Variants in ACAP1 observed in about 807,000 individuals in gnomAD.
ACAP1 encodes the protein ArfGAP with coiled-coil, ankyrin repeat and PH domains 1, also known as arf-GAP with coiled-coil, ANK repeat and PH domain-containing protein 1.
ACAP1 carries 45 observed loss-of-function variants against 98.8 expected under a neutral mutation model. The observed-to-expected ratio is 0.46, with a 90% CI of 0.36 to 0.58. ACAP1 has a LOEUF of 0.58. ACAP1 is among the 20% of genes least tolerant of loss of function. The pLI is 0.00. For missense variants in ACAP1, 735 were observed against 971.4 expected, an observed-to-expected ratio of 0.76 and a Z score of 3.24; for synonymous variants, 362 against 375.3, an observed-to-expected ratio of 0.96 and a Z score of 0.41.
Position 7,347,112 on chromosome 17 carries a change from G to C in ACAP1, c.1213G>C (p.Gly405Arg). 6.2e-7 allele frequency: 1 copy of C among 1,613,706 alleles called. No individual in the cohort carries two copies. The highest frequency in any genetic ancestry group is 8.5e-7 in the Non-Finnish European group (1 of 1,179,822). ...CAGGGGAAGGGAGCCTGGGGGAGTC[G>C]GGCACGTGGTGGCCCAGGTCCAGAG... is the stretch of plus-strand genomic sequence containing the variant. ...MARGREPGGV[G>R]HVVAQVQSVD... The change falls in exon 14 of 22, where the codon GGG becomes CGG. Residue 405 changes from glycine (G) to arginine (R), a missense_variant. By Grantham distance (125) the Gly-to-Arg change is moderately radical (BLOSUM62 -2). Coordinates refer to ENST00000158762, the MANE Select transcript of ACAP1 (RefSeq NM_014716.4).
At chr17:7,338,491 G>C (rs1242587440) in intron 2 of ACAP1, among the ~76,000 whole-genome samples, 1 of 151,908 alleles carries the variant, frequency 6.6e-6, no homozygotes, top group Non-Finnish European at 1.5e-5. Context: ...TTGAACTCCT[G>C]ACCTCAAATG....
In ACAP1 at chr17:7,347,479, T is replaced by C. The variant is rs1214966558; in HGVS notation, c.1343+237T>C. On this transcript the variant is annotated intron_variant, in intron 14 of 21. Transcript: ENST00000158762. ...AGAATTGGGGGATACCCAGAATTTG[T>C]TGGCTTGGTTGGAAGAAGTGTGGGG... The C allele has an allele frequency of 2.5e-5, 13 of 526,506 alleles. 1 individual carries two copies. The highest frequency in any genetic ancestry group is 1.1e-4 in the South Asian group (4 of 36,568). 32.6% of individuals were successfully genotyped at this position (526,506 alleles called of 1,614,324 possible). A position where few individuals can be genotyped will look rare whatever the true frequency, so the allele number is the denominator to read the frequency against.
rs140223138 is a variant in ACAP1 at position 7,338,276 on chromosome 17, T to C, written c.111+907T>C. ...TATTTTTATTTTTATTTATTTGAGA[T>C]GGAGTCTCGCTCTGTCACCCAGGCT... On this transcript the variant is annotated intron_variant, in intron 2 of 21. Transcript: ENST00000158762. 4.2e-3 allele frequency among the ~76,000 whole-genome samples: 645 copies of C among 152,150 alleles called. 4 individuals carry two copies. Among genetic ancestry groups the C allele is most frequent in the African/African-American group, 0.015 (619 of 41,546 alleles).
At chr17:7,341,146 T>TTTTA (rs927379205) in intron 2 of ACAP1, among the ~76,000 whole-genome samples, 1 of 152,138 alleles carries the variant, frequency 6.6e-6, no homozygotes, top group African/African-American at 2.4e-5. Flanking sequence ...ATACTATAGA[T>TTTTA]TTTATTTATT....
chr17:7,351,171 G>A (rs2073406234), intron 21 of ACAP1, 124 bp from the exon 22 acceptor site: 2 of 1,094,274 alleles, frequency 1.8e-6, no homozygotes, highest in Admixed American at 2.3e-5. Context: ...CTGGCGCAGT[G>A]CCCGCGGCGC....
rs1359965033 is a variant in ACAP1 at position 7,350,858 on chromosome 17, C to T, written c.2073-92C>T. 1.6e-6 allele frequency: 2 copies of T among 1,271,038 alleles called. No homozygotes were observed. The highest frequency in any genetic ancestry group is 1.1e-6 in the Non-Finnish European group (1 of 874,414). 78.7% of individuals were successfully genotyped at this position (1,271,038 alleles called of 1,614,324 possible). ...ATCTCCTGACCTCGTGATCCGCCTG[C>T]CTCGGCCTCCCAAAGTGTTGGGATT... is the stretch of plus-strand genomic sequence containing the variant. On this transcript the variant is annotated intron_variant, in intron 20 of 21. Coordinates refer to ENST00000158762, the MANE Select transcript of ACAP1 (RefSeq NM_014716.4). This position sits in a 1 kb window ranked among gnomAD's most constrained non-coding sequence, Gnocchi z 4.6.
At chr17:7,340,827 C>T (rs776471585) in intron 2 of ACAP1, among the ~76,000 whole-genome samples, 7 of 152,152 alleles carry the variant, frequency 4.6e-5, no homozygotes, top group African/African-American at 7.2e-5. Flanking sequence ...GCTTGGGCAA[C>T]GGAGCAAAAC....
At position 7,350,354 on chromosome 17, in the gene ACAP1, G is replaced by C; in HGVS notation, c.2072+117G>C. On this transcript the variant is annotated intron_variant, in intron 20 of 21. Coordinates refer to ENST00000158762, the MANE Select transcript of ACAP1 (RefSeq NM_014716.4). The surrounding 1 kb of genome is among the most constrained non-coding windows in gnomAD (Gnocchi z 4.6). ...ACAGAAGCCTGTGCTGTGGGGCCTC[G>C]GAAAGGGGCTGGGCCAGCGCCGGGG... 3.6e-6 allele frequency: 3 copies of C among 831,248 alleles called. No individual in the cohort carries two copies. The East Asian group carries it at 8.0e-5, about 22-fold the overall frequency. 51.5% of individuals were successfully genotyped at this position (831,248 alleles called of 1,614,324 possible).
intron 2 of ACAP1, among the ~76,000 whole-genome samples, chr17:7,339,962 A>T (rs1309283967): frequency 6.6e-6 from 1 of 151,616 alleles, no homozygotes; most frequent in Non-Finnish European, 1.5e-5. Flanking sequence ...CTCCCCCCTC[A>T]CTCAGAATAA....
At position 7,343,474 on chromosome 17, in the gene ACAP1, G is replaced by A. The variant is rs765783272; in HGVS notation, c.440G>A (p.Arg147His). The change falls in exon 6 of 22, where the codon CGC becomes CAC. Residue 147 changes from arginine (R) to histidine (H), a missense_variant. By Grantham distance (29) the Arg-to-His change is conservative. Around this residue, in one of 5 missense-constraint regions of ACAP1, gnomAD observed 430 missense variants for 531.8 expected, o/e 0.81. Transcript: ENST00000158762. This position sits in a 1 kb window ranked among gnomAD's most constrained non-coding sequence, Gnocchi z 4.9. ...ACCCACAACGCAGAGGTTCCCAGGC[G>A]CCGGGCCCAGGAGGCAGAAGAGGCA... ...ALTHNAEVPR[R>H]RAQEAEEAGA... is the part of the protein sequence containing the mutation. The A allele has an allele frequency of 8.7e-6, 14 of 1,613,980 alleles. No homozygotes were observed. The highest frequency in any genetic ancestry group is 1.3e-5 in the African/African-American group (1 of 74,928).
chr17:7,348,791 C>T lies in ACAP1; in HGVS notation c.1679-204C>T. 3.2e-5 allele frequency: 19 copies of T among 592,238 alleles called. 1 individual carries two copies. The South Asian group carries it at 4.4e-4, about 14-fold the overall frequency. The allele number at this position is 592,238 out of a possible 1,614,324, so 36.7% of individuals were successfully genotyped here. On this transcript the variant is annotated intron_variant, in intron 17 of 21. Coordinates refer to ENST00000158762, the MANE Select transcript of ACAP1 (RefSeq NM_014716.4). ...GGACCAGATGAGGTGATGATGCCGT[C>T]TCTCCCCCACACCCTAGGGACTCGT...
chr17:7,346,059 T>G, intron 10 of ACAP1, 185 bp from the exon 11 acceptor site: 1 of 640,932 alleles, frequency 1.6e-6, no homozygotes, highest in South Asian at 1.9e-5. Context: ...TTGTCCAAGA[T>G]AGGAATAGCA....
In ACAP1 at chr17:7,351,292, C is replaced by A. The variant is rs943083760; in HGVS notation, c.2123-3C>A. 1 of 1,611,722 alleles carries A rather than the reference C, an allele frequency of 6.2e-7. No individual in the cohort carries two copies. Among genetic ancestry groups the A allele is most frequent in the Middle Eastern group, 1.7e-4 (1 of 6,052 alleles). The stretch of plus-strand genomic sequence containing the variant: ...GCCTCCCGGCCTTTCCTCCCTCCCC[C>A]AGGAGATGAGACGTATCTTGACATC... On this transcript the variant is annotated splice_region_variant and splice_polypyrimidine_tract_variant and intron_variant, in intron 21 of 21. Coordinates refer to ENST00000158762, the MANE Select transcript of ACAP1 (RefSeq NM_014716.4).
In ACAP1 at chr17:7,343,953, C is replaced by T. The variant is rs2073322232; in HGVS notation, c.666C>T (p.Ala222=). ...CCCAGTATCGAAAGGAGCTGGGCGC[C>T]CAGGTGGGGCCCCAGGGCACAGCAG... ...RLSQYRKELG[A]QLHQLVLNSA... Residue 222 remains alanine (A), a synonymous_variant, in exon 8 of 22, where the codon GCC becomes GCT. Transcript: ENST00000158762. This position sits in a 1 kb window ranked among gnomAD's most constrained non-coding sequence, Gnocchi z 4.9. 6.3e-7 allele frequency: 1 copy of T among 1,586,618 alleles called. No individual in the cohort carries two copies. Among genetic ancestry groups the T allele is most frequent in the Admixed American group, 1.8e-5 (1 of 54,312 alleles).
At chr17:7,348,621 G>T in intron 17 of ACAP1, 146 bp downstream of exon 17, 1 of 910,820 alleles carries the variant, frequency 1.1e-6, no homozygotes. Context: ...GGTTACGGTG[G>T]AGTGTGACAT....
chr17:7,349,035 C>T lies in ACAP1; in HGVS notation c.1719C>T (p.Ala573=), dbSNP rs1567631819. ...ACCTGGGAAGCCTGCACCCTGGGGC[C>T]CTACTGTTTCGAGCGTCTGGGCATC... ...SEDLGSLHPG[A]LLFRASGHPP... The change falls in exon 18 of 22, where the codon GCC becomes GCT. Residue 573 remains alanine (A), a synonymous_variant. Transcript: ENST00000158762. The T allele has an allele frequency of 1.2e-6, 2 of 1,613,880 alleles. No individual in the cohort carries two copies. Among genetic ancestry groups the T allele is most frequent in the East Asian group, 4.5e-5 (2 of 44,866 alleles).
Position 7,343,701 on chromosome 17 carries a change from C to T in ACAP1, c.529-5C>T. On this transcript the variant is annotated splice_region_variant and splice_polypyrimidine_tract_variant and intron_variant, in intron 6 of 21. Transcript: ENST00000158762. This position sits in a 1 kb window ranked among gnomAD's most constrained non-coding sequence, Gnocchi z 4.9. ...GGTTTTTTACGTCCTCTTTTACGTC[C>T]TCAGATCAACGTGATTGAGGACAAG... is the stretch of plus-strand genomic sequence containing the variant. The T allele has an allele frequency of 6.2e-7, 1 of 1,613,718 alleles. No individual in the cohort carries two copies. Among genetic ancestry groups the T allele is most frequent in the South Asian group, 1.1e-5 (1 of 91,032 alleles).
chr17:7,346,486 C>A lies in ACAP1; in HGVS notation c.1002C>A (p.Thr334=). The part of the protein sequence containing the change: ...ERRFCFEVVS[T]SKSCLLQADS... ...GGTTCTGCTTTGAGGTGGTGTCCAC[C>A]AGCAAGTGAGTGCAATCCCCAGGGG... is the stretch of plus-strand genomic sequence containing the variant. Residue 334 remains threonine (T), a synonymous_variant, in exon 12 of 22, where the codon ACC becomes ACA. Transcript: ENST00000158762. 3 of 1,605,334 alleles carry A rather than the reference C, an allele frequency of 1.9e-6. No homozygotes were observed. Among genetic ancestry groups the A allele is most frequent in the Non-Finnish European group, 1.7e-6 (2 of 1,175,992 alleles).
chr17:7,345,666 C>G (rs565890399), intron 10 of ACAP1: 1 of 148,888 alleles, frequency 6.7e-6, no homozygotes, highest in Non-Finnish European at 1.5e-5. Flanking sequence ...CTTTTTTTTT[C>G]TTTTTTGATG....
Sources: allele counts gnomAD v4.1 joint callset (sites outside exome capture counted in the v4.1 genomes callset), GRCh38; gene constraint gnomAD v4.1.1; regional missense constraint gnomAD v4.1.1; non-coding constraint Gnocchi (gnomAD v3.1); transcripts MANE v1.5; gene names NCBI Gene and HGNC (gene_info 2026-07-23, HGNC 2026-07-21).